Variants in CARNS1 observed in about 807,000 individuals in gnomAD.
The protein encoded by CARNS1 is carnosine synthase 1.
CARNS1 carries 61 observed loss-of-function variants against 74.0 expected under a neutral mutation model. That is an observed-to-expected ratio of 0.82 (90% CI 0.67 to 1.02). CARNS1 has a LOEUF of 1.02. Among genes scored for constraint, CARNS1 ranks in the 50% least tolerant of loss-of-function variants. The probability of loss-of-function intolerance (pLI) is 0.00; values close to 1 mark genes in which losing one functional copy is unlikely to be tolerated. For synonymous variants in CARNS1, 568 were observed against 605.5 expected (o/e 0.94, Z 0.91); for missense variants, 1,278 against 1,308.4 (o/e 0.98, Z 0.36).
chr11:67,419,771 CCGGCCT>C lies in CARNS1; in HGVS notation c.1047_1052del (p.Gly350_Leu351del). On this transcript the variant is annotated inframe_deletion, in exon 7 of 10. Coordinates refer to ENST00000687366, the MANE Select transcript of CARNS1 (RefSeq NM_001166222.2). ...CCCCCAGATGGTCCTTCACCCGGCCCCGGCCTGGCCGTGCGAATCTGTGCTGTGGTG... is the reference window on the plus strand; with the variant it reads ...CCCCCAGATGGTCCTTCACCCGGCCCGGCCGTGCGAATCTGTGCTGTGGTG... 1.2e-6 allele frequency: 2 copies of C among 1,604,674 alleles called. No homozygotes were observed. The highest frequency in any genetic ancestry group is 1.3e-5 in the African/African-American group (1 of 74,634).
rs924418132 is a variant in CARNS1, at chr11:67,419,473, C to T, written c.853-14C>T. The T allele has an allele frequency of 2.5e-6, 4 of 1,611,060 alleles. No homozygotes were observed. Among genetic ancestry groups the T allele is most frequent in the Non-Finnish European group, 3.4e-6 (4 of 1,179,274 alleles). ...GGTGGTGTCCAGGAGGCCCCTTTCC[C>T]CTCCTTGCTGCAGGTAGCTGTGAAG... On this transcript the variant is annotated splice_polypyrimidine_tract_variant and intron_variant, in intron 5 of 9. Coordinates refer to ENST00000687366, the MANE Select transcript of CARNS1 (RefSeq NM_001166222.2).
At position 67,419,251 on chromosome 11, in the gene CARNS1, ACT is replaced by A. The variant is rs1369880149; in HGVS notation, c.852+12_852+13del. On this transcript the variant is annotated intron_variant, in intron 5 of 9. Coordinates refer to ENST00000687366, the MANE Select transcript of CARNS1 (RefSeq NM_001166222.2). The stretch of plus-strand genomic sequence containing the variant: ...CTGGGTGATATCCTGCAGGTAACAG[ACT>A]CTCGCCCACCCTGAGGTCTGTACAG... 2.7e-6 allele frequency: 4 copies of A among 1,468,520 alleles called. No individual in the cohort carries two copies. The South Asian group carries it at 5.6e-5, about 20-fold the overall frequency. 91.0% of individuals were successfully genotyped at this position (1,468,520 alleles called of 1,614,324 possible).
At chr11:67,419,336 A>C (rs1590958705) in intron 5 of CARNS1, 93 bp downstream of exon 5, 1 of 1,469,218 alleles carries the variant, frequency 6.8e-7, no homozygotes, top group Non-Finnish European at 9.0e-7. Context: ...AGGTGTCCCT[A>C]CCTCTTAGCC....
intron 2 of CARNS1, chr11:67,416,548 C>A: frequency 8.8e-7 from 1 of 1,136,562 alleles, no homozygotes; most frequent in Non-Finnish European, 1.1e-6. Context: ...CCAAGAGATT[C>A]TCTTCGTCCC....
chr11:67,416,022 A>G (rs1308499887), intron 1 of CARNS1, 154 bp from the exon 2 acceptor site: 4 of 647,182 alleles, frequency 6.2e-6, no homozygotes, highest in Admixed American at 2.2e-5. Context: ...ATCCCTCCCT[A>G]CCTTCGGGGT....
chr11:67,418,718 G>A, intron 4 of CARNS1, 38 bp from the exon 5 acceptor site: 3 of 1,525,582 alleles, frequency 2.0e-6, no homozygotes, highest in Non-Finnish European at 1.8e-6. Flanking sequence ...AGGGCATCAA[G>A]CCTTCCCTGG....
intron 3 of CARNS1, among the ~76,000 whole-genome samples, chr11:67,418,082 C>A (rs1408795029): frequency 6.6e-6 from 1 of 152,158 alleles, no homozygotes; most frequent in African/African-American, 2.4e-5. Flanking sequence ...GGTTCACAGG[C>A]AGAATACCTG....
In CARNS1 at chr11:67,424,553, C is replaced by T. The variant is rs751093192; in HGVS notation, c.2805C>T (p.Ile935=). 54 of 1,605,542 alleles carry T rather than the reference C, an allele frequency of 3.4e-5. No homozygotes were observed. Among genetic ancestry groups the T allele is most frequent in the Non-Finnish European group, 3.2e-5 (38 of 1,177,712 alleles). The change falls in exon 10 of 10, where the codon ATC becomes ATT. Residue 935 remains isoleucine (I), a synonymous_variant. Transcript: ENST00000687366. ...RLLGLCQGLG[I]DGPSYPVAHF... ...TGGGCCTCTGCCAGGGCCTGGGCAT[C>T]GATGGGCCCAGCTACCCTGTTGCCC...
chr11:67,415,914 C>A (rs1863534701), intron 1 of CARNS1, among the ~76,000 whole-genome samples, 151 bp downstream of exon 1: 1 of 151,870 alleles, frequency 6.6e-6, no homozygotes, highest in Non-Finnish European at 1.5e-5. Flanking sequence ...CCCCCAACTC[C>A]CCCCCGCGCT....
chr11:67,416,160 C>T lies in CARNS1; in HGVS notation c.-24-16C>T. 2.8e-6 allele frequency: 4 copies of T among 1,434,012 alleles called. No homozygotes were observed. In the East Asian group the frequency reaches 9.9e-5, roughly 35 times the overall value. The allele number at this position is 1,434,012 out of a possible 1,614,324, so 88.8% of individuals were successfully genotyped here. On this transcript the variant is annotated splice_polypyrimidine_tract_variant and intron_variant, in intron 1 of 9. Coordinates refer to ENST00000687366, the MANE Select transcript of CARNS1 (RefSeq NM_001166222.2). ...CTGACTCCTTCGTCTCTCTGTCCCT[C>T]TGTCTCTGCCATCAGTCTCTCAGCC...
chr11:67,417,848 G>T (rs1590957130), intron 3 of CARNS1, among the ~76,000 whole-genome samples, 171 bp downstream of exon 3: 1 of 152,158 alleles, frequency 6.6e-6, no homozygotes. Flanking sequence ...TTGTTTGCAA[G>T]GGCATCTGGC....
In CARNS1 at chr11:67,420,723, G is replaced by A; in HGVS notation, c.1228G>A (p.Ala410Thr). ...CGLGEEAQVA[A>T]VRQRVKAAAE... ...CCTGGGCGAGGAGGCGCAGGTGGCGGCTGTGCGGCAGCGCGTCAAGGCGGC... is the reference window on the plus strand; with the variant it reads ...CCTGGGCGAGGAGGCGCAGGTGGCGACTGTGCGGCAGCGCGTCAAGGCGGC... Residue 410 changes from alanine (A) to threonine (T), a missense_variant, in exon 8 of 10, where the codon GCT (alanine) becomes ACT (threonine). Coordinates refer to ENST00000687366, the MANE Select transcript of CARNS1 (RefSeq NM_001166222.2). 7.9e-7 allele frequency: 1 copy of A among 1,263,408 alleles called. No homozygotes were observed. Among genetic ancestry groups the A allele is most frequent in the Admixed American group, 4.1e-5 (1 of 24,398 alleles). 78.3% of individuals were successfully genotyped at this position (1,263,408 alleles called of 1,614,324 possible).
intron 5 of CARNS1, 120 bp from the exon 6 acceptor site, chr11:67,419,367 C>T (rs1863633278): frequency 6.8e-7 from 1 of 1,479,732 alleles, no homozygotes; most frequent in Non-Finnish European, 9.1e-7. Context: ...CCTGCCCCAT[C>T]TCTGGGGCAA....
At chr11:67,420,862 C>G in intron 8 of CARNS1, 22 bp downstream of exon 8, 4 of 1,267,962 alleles carry the variant, frequency 3.2e-6, no homozygotes, top group Non-Finnish European at 4.0e-6. Flanking sequence ...CGGCCGGGGC[C>G]GGGGCCGGGA....
chr11:67,421,011 G>A lies in CARNS1; in HGVS notation c.1418G>A (p.Cys473Tyr). 1.4e-6 allele frequency: 2 copies of A among 1,390,810 alleles called. No individual in the cohort carries two copies. Among genetic ancestry groups the A allele is most frequent in the South Asian group, 1.5e-5 (1 of 64,696 alleles). 86.2% of individuals were successfully genotyped at this position (1,390,810 alleles called of 1,614,324 possible). ...PVALELNGGL[C>Y]LEACGALEGL... ...GCCCTGGAGCTGAACGGCGGCCTGT[G>A]TCTGGAGGCGTGCGGCGCGCTGGAG... The change falls in exon 9 of 10, where the codon TGT becomes TAT. Residue 473 changes from cysteine to tyrosine, a missense_variant. Cys to Tyr is a radical substitution (Grantham distance 194, BLOSUM62 -2). Coordinates refer to ENST00000687366, the MANE Select transcript of CARNS1 (RefSeq NM_001166222.2).
Position 67,425,471 on chromosome 11 carries a change from G to T in CARNS1, c.*870G>T. ...CTTTGGCCTCTGGCACACCTAACTA[G>T]CATTGGCAGAGGAGAGTCTACACTC... On this transcript the variant is annotated 3_prime_UTR_variant, in exon 10 of 10. Transcript: ENST00000687366. 5.2e-6 allele frequency: 1 copy of T among 193,662 alleles called. No individual in the cohort carries two copies. Among genetic ancestry groups the T allele is most frequent in the Non-Finnish European group, 1.1e-5 (1 of 91,932 alleles). 12.0% of individuals were successfully genotyped at this position (193,662 alleles called of 1,614,324 possible).
At chr11:67,416,567 C>T (rs1863548594) in intron 2 of CARNS1, 1 of 1,094,228 alleles carries the variant, frequency 9.1e-7, no homozygotes, top group South Asian at 2.5e-5. Flanking sequence ...CCAGCCTCAT[C>T]AGCCCCCAGG....
intron 2 of CARNS1, 111 bp downstream of exon 2, chr11:67,416,313 G>A (rs942534919): frequency 9.2e-6 from 14 of 1,524,786 alleles, no homozygotes; most frequent in African/African-American, 4.1e-5. Context: ...GCCCCCTGCA[G>A]ACAGCTTAGA....
In CARNS1 at chr11:67,425,200, G is replaced by A; in HGVS notation, c.*599G>A. ...CTGCTCACCCCAGGCAGACACAACT[G>A]CCTATGTTCCCCCGATGAGAGGAAA... is the stretch of plus-strand genomic sequence containing the variant. On this transcript the variant is annotated 3_prime_UTR_variant, in exon 10 of 10. Coordinates refer to ENST00000687366, the MANE Select transcript of CARNS1 (RefSeq NM_001166222.2). The A allele has an allele frequency of 2.5e-6, 1 of 394,860 alleles. No individual in the cohort carries two copies. The highest frequency in any genetic ancestry group is 1.8e-5 in the South Asian group (1 of 54,954). 24.5% of individuals were successfully genotyped at this position (394,860 alleles called of 1,614,324 possible).
Sources: gnomAD v4.1 joint callset for allele counts (sites outside exome capture counted in the v4.1 genomes callset) on GRCh38, gnomAD v4.1.1 for gene constraint, MANE v1.5 for transcripts, NCBI Gene and HGNC (gene_info 2026-07-23, HGNC 2026-07-21) for gene names.